The following MAPK4 variants were observed in gnomAD, a reference collection of about 807,000 sequenced individuals.
MAPK4 encodes the protein Erk3-related.
A neutral mutation model predicts 47.7 loss-of-function variants in MAPK4; 22 were observed. The observed-to-expected ratio is 0.46, with a 90% confidence interval of 0.33 to 0.66. The LOEUF is 0.66. Among genes scored for constraint, MAPK4 ranks in the 30% least tolerant of loss-of-function variants. The pLI, the probability that MAPK4 is intolerant of heterozygous loss-of-function variation, is 0.02. For missense variants in MAPK4, 736 were observed against 831.7 expected, an observed-to-expected ratio of 0.88 and a Z score of 1.42; for synonymous variants, 390 against 365.7, an observed-to-expected ratio of 1.07 and a Z score of -0.76.
At chr18:50,660,927 A>T (rs1235322323) in intron 1 of MAPK4, among the ~76,000 whole-genome samples, 1 of 152,180 alleles carries the variant, frequency 6.6e-6, no homozygotes, top group East Asian at 1.9e-4. Flanking sequence ...AGAGACACAC[A>T]CACGGGATAC....
At chr18:50,608,168 G>A (rs1379949658) in intron 1 of MAPK4, among the ~76,000 whole-genome samples, 1 of 152,132 alleles carries the variant, frequency 6.6e-6, no homozygotes, top group African/African-American at 2.4e-5. Context: ...TTTGACTGAG[G>A]ATCATGGTGG....
In MAPK4 at chr18:50,730,999, C is replaced by T. The variant is rs991033310; in HGVS notation, c.*1145C>T. 5 of 152,222 alleles carry T rather than the reference C, an allele frequency of 3.3e-5. No individual in the cohort carries two copies. The highest frequency in any genetic ancestry group is 6.5e-5 in the Admixed American group (1 of 15,284). 9.4% of individuals were successfully genotyped at this position (152,222 alleles called of 1,614,324 possible). On this transcript the variant is annotated 3_prime_UTR_variant, in exon 6 of 6. Coordinates refer to ENST00000400384, the MANE Select transcript of MAPK4 (RefSeq NM_002747.4). ...TCCTGAGTTTGATCATCCATTTAGC[C>T]TTGACAAACAGCAGACCCTACAGAG...
intron 1 of MAPK4, among the ~76,000 whole-genome samples, chr18:50,628,922 C>A (rs988573856): frequency 2.6e-5 from 4 of 152,164 alleles, no homozygotes; most frequent in African/African-American, 7.2e-5. Context: ...GTCGATTTTT[C>A]ATTTTATTTT....
intron 1 of MAPK4, among the ~76,000 whole-genome samples, chr18:50,622,396 G>T (rs532230185): frequency 3.7e-4 from 57 of 152,318 alleles, no homozygotes; most frequent in African/African-American, 1.4e-3. Context: ...AGCCAAAAAG[G>T]TCCTTCAGAG....
At chr18:50,651,570 T>C (rs1359117476) in intron 1 of MAPK4, among the ~76,000 whole-genome samples, 9 of 152,318 alleles carry the variant, frequency 5.9e-5, no homozygotes, top group Middle Eastern at 3.4e-3. Flanking sequence ...ATGTGATCTC[T>C]GTGGCATGTG....
chr18:50,615,204 G>A (rs146246099), intron 1 of MAPK4, among the ~76,000 whole-genome samples: 13 of 152,264 alleles, frequency 8.5e-5, no homozygotes, highest in Admixed American at 2.0e-4. Context: ...ATTGTGTTGG[G>A]GGGGGAGATC....
At chr18:50,729,052 T>G in intron 5 of MAPK4, 106 bp from the exon 6 acceptor site, 1 of 957,906 alleles carries the variant, frequency 1.0e-6, no homozygotes. Context: ...GGGATGGGGG[T>G]CGAAGGCAGG....
intron 1 of MAPK4, among the ~76,000 whole-genome samples, chr18:50,636,385 G>A (rs1010334508): frequency 6.6e-6 from 1 of 152,206 alleles, no homozygotes; most frequent in Non-Finnish European, 1.5e-5. Flanking sequence ...CCCCAGTTCC[G>A]AGCAAAGGGC....
chr18:50,640,400 AT>A (rs2042929902), intron 1 of MAPK4, among the ~76,000 whole-genome samples: 1 of 149,776 alleles, frequency 6.7e-6, no homozygotes, highest in South Asian at 2.1e-4. Flanking sequence ...AAAAAAAAAA[AT>A]TATATGGATG....
At chr18:50,645,128 A>G (rs1311526854) in intron 1 of MAPK4, among the ~76,000 whole-genome samples, 1 of 152,344 alleles carries the variant, frequency 6.6e-6, no homozygotes, top group East Asian at 1.9e-4. Flanking sequence ...ATGGCGAAAG[A>G]CACGCTCAGA....
At chr18:50,650,620 T>G (rs2043038259) in intron 1 of MAPK4, among the ~76,000 whole-genome samples, 1 of 152,154 alleles carries the variant, frequency 6.6e-6, no homozygotes, top group East Asian at 1.9e-4. Context: ...TGGGCCCCAG[T>G]GGAGGCCAAG....
chr18:50,676,193 C>G (rs951642103), intron 2 of MAPK4, among the ~76,000 whole-genome samples: 1 of 151,588 alleles, frequency 6.6e-6, no homozygotes, highest in Non-Finnish European at 1.5e-5. Context: ...TTCTTGGCTT[C>G]CTGCAAATAT....
At chr18:50,618,462 C>T (rs1204024171) in intron 1 of MAPK4, among the ~76,000 whole-genome samples, 1 of 152,156 alleles carries the variant, frequency 6.6e-6, no homozygotes, top group African/African-American at 2.4e-5. Flanking sequence ...TCATACATTT[C>T]TGTATCAACA....
intron 1 of MAPK4, among the ~76,000 whole-genome samples, chr18:50,590,452 A>G (rs2149367167): frequency 6.6e-6 from 1 of 152,346 alleles, no homozygotes; most frequent in Non-Finnish European, 1.5e-5. Flanking sequence ...GCAGGAGCTC[A>G]GCTGCTGAGG....
chr18:50,561,624 A>C (rs919528459), intron 1 of MAPK4, among the ~76,000 whole-genome samples: 1 of 152,208 alleles, frequency 6.6e-6, no homozygotes, highest in Non-Finnish European at 1.5e-5. Flanking sequence ...TACGGATAGA[A>C]ACAAGGGAGA....
intron 1 of MAPK4, among the ~76,000 whole-genome samples, chr18:50,614,074 G>A (rs1035616668): frequency 2.6e-5 from 4 of 152,086 alleles, no homozygotes; most frequent in South Asian, 2.1e-4. Flanking sequence ...AAATGTTAAA[G>A]GTAATAGAAT....
upstream of MAPK4, among the ~76,000 whole-genome samples, chr18:50,559,867 G>A (rs996219389): frequency 4.6e-5 from 7 of 151,366 alleles, no homozygotes; most frequent in Non-Finnish European, 1.0e-4. Flanking sequence ...CGCGGGACTG[G>A]GTCCGGGAAG....
rs767876348 is a variant in MAPK4 at position 50,729,263 on chromosome 18, G to A, written c.1173G>A (p.Glu391=). ...DPRAGSAPLA[E]DVQVDPRKDS... ...GCGCGGGTTCGGCGCCACTGGCTGA[G>A]GACGTGCAGGTGGACCCGCGCAAGG... The change falls in exon 6 of 6, where the codon GAG becomes GAA. Residue 391 remains glutamate (E), a synonymous_variant. Transcript: ENST00000400384. 1.9e-6 allele frequency: 3 copies of A among 1,609,644 alleles called. No homozygotes were observed. The highest frequency in any genetic ancestry group is 2.7e-5 in the African/African-American group (2 of 74,998).
At chr18:50,635,209 C>T (rs1194826043) in intron 1 of MAPK4, among the ~76,000 whole-genome samples, 1 of 152,174 alleles carries the variant, frequency 6.6e-6, no homozygotes, top group African/African-American at 2.4e-5. Context: ...CTTCAACCAA[C>T]AGGATTCTGA....
Sources: allele counts gnomAD v4.1 joint callset (sites outside exome capture counted in the v4.1 genomes callset), GRCh38; gene constraint gnomAD v4.1.1; transcripts MANE v1.5; gene names NCBI Gene and HGNC (gene_info 2026-07-23, HGNC 2026-07-21).